SLC27A6: variants seen among roughly 807,000 people sequenced by gnomAD.
SLC27A6 encodes the protein solute carrier family 27 member 6.
A neutral mutation model predicts 63.9 loss-of-function variants in SLC27A6; 74 were observed. That is an observed-to-expected ratio of 1.16 (90% CI 0.96 to 1.40). The LOEUF (loss-of-function observed/expected upper bound fraction) is 1.40. Among genes scored for constraint, SLC27A6 ranks in the 40% most tolerant of loss-of-function variants. The probability of loss-of-function intolerance (pLI) is 0.00; values close to 1 mark genes in which losing one functional copy is unlikely to be tolerated. For synonymous variants in SLC27A6, 287 were observed against 260.8 expected (o/e 1.10, Z -0.97); for missense variants, 794 against 732.9 (o/e 1.08, Z -0.96).
rs1749870600 is a variant in SLC27A6 at position 128,965,985 on chromosome 5, C to T, written c.-153C>T. The T allele has an allele frequency of 1.2e-6, 1 of 817,684 alleles. No individual in the cohort carries two copies. The highest frequency in any genetic ancestry group is 3.4e-5 in the South Asian group (1 of 29,310). 50.7% of individuals were successfully genotyped at this position (817,684 alleles called of 1,614,324 possible). On this transcript the variant is annotated 5_prime_UTR_variant, in exon 1 of 10. Transcript: ENST00000262462. ...TACGATTCTGTTTCTCAGGATTCCT[C>T]CCCATCCCGCTTCGCCCCGGAAAAG...
chr5:128,987,909 A>G (rs1009698439), intron 2 of SLC27A6, among the ~76,000 whole-genome samples: 2 of 152,200 alleles, frequency 1.3e-5, no homozygotes, highest in Non-Finnish European at 2.9e-5. Context: ...TAGAACTATA[A>G]GACCTGAGTT....
At chr5:129,033,082 C>T in intron 9 of SLC27A6, 24 bp from the exon 10 acceptor site, 1 of 1,552,188 alleles carries the variant, frequency 6.4e-7, no homozygotes, top group Non-Finnish European at 8.8e-7. Context: ...AATGATTCTA[C>T]TCATCCTGGT....
At chr5:128,973,791 A>T (rs990092367) in intron 1 of SLC27A6, among the ~76,000 whole-genome samples, 1 of 152,178 alleles carries the variant, frequency 6.6e-6, no homozygotes, top group African/African-American at 2.4e-5. Flanking sequence ...CTGTCCAGCA[A>T]GTCCAAATGA....
chr5:128,994,090 C>A (rs1021742782), intron 4 of SLC27A6, among the ~76,000 whole-genome samples: 1 of 152,060 alleles, frequency 6.6e-6, no homozygotes. Context: ...ATTGCTTAAC[C>A]CCGTGAGGTG....
chr5:128,996,295 A>G (rs1358103400), intron 4 of SLC27A6, among the ~76,000 whole-genome samples: 1 of 150,888 alleles, frequency 6.6e-6, no homozygotes, highest in Non-Finnish European at 1.5e-5. Flanking sequence ...CTTATTAGGA[A>G]TGCATTTTCT....
chr5:128,988,691 T>C lies in SLC27A6; in HGVS notation c.777T>C (p.Val259=), dbSNP rs1196801395. 6.2e-7 allele frequency: 1 copy of C among 1,613,976 alleles called. No homozygotes were observed. The highest frequency in any genetic ancestry group is 1.7e-5 in the Admixed American group (1 of 60,026). The change falls in exon 3 of 10, where the codon GTT becomes GTC. Residue 259 remains valine, a synonymous_variant. Coordinates refer to ENST00000262462, the MANE Select transcript of SLC27A6 (RefSeq NM_001017372.3). The stretch of plus-strand genomic sequence containing the variant: ...TTGGTTGTACTGCTCATGACATTGT[T>C]TATATAACCCTTCCTCTGTATCATA... The part of the protein sequence containing the change: ...WAFGCTAHDI[V]YITLPLYHSS...
chr5:129,021,044 G>A (rs560254448), intron 5 of SLC27A6, among the ~76,000 whole-genome samples: 7 of 151,684 alleles, frequency 4.6e-5, no homozygotes, highest in South Asian at 2.1e-4. Context: ...TGTGTAATTC[G>A]GGTTGACTGC....
intron 5 of SLC27A6, 37 bp downstream of exon 5, chr5:129,016,116 G>T (rs781202532): frequency 6.9e-7 from 1 of 1,457,750 alleles, no homozygotes; most frequent in Non-Finnish European, 9.3e-7. Context: ...GAAATACATC[G>T]GTGCGGTGGC....
chr5:128,992,797 T>G (rs1191672660), intron 4 of SLC27A6, among the ~76,000 whole-genome samples: 7 of 152,176 alleles, frequency 4.6e-5, no homozygotes, highest in Admixed American at 4.6e-4. Context: ...AAGGTCACCT[T>G]CAGTTGAGAT....
intron 4 of SLC27A6, among the ~76,000 whole-genome samples, chr5:129,010,041 G>T (rs1751678066): frequency 6.6e-6 from 1 of 152,106 alleles, no homozygotes; most frequent in South Asian, 2.1e-4. Context: ...TTTTTTAAAG[G>T]CGTCCCTGCT....
At chr5:128,976,219 C>T (rs1750372833) in intron 1 of SLC27A6, among the ~76,000 whole-genome samples, 1 of 152,092 alleles carries the variant, frequency 6.6e-6, no homozygotes, top group Admixed American at 6.6e-5. Flanking sequence ...TTCTATAAAA[C>T]TTAAAGGGGG....
intron 4 of SLC27A6, among the ~76,000 whole-genome samples, chr5:129,009,676 TG>T: frequency 6.7e-6 from 1 of 148,254 alleles, no homozygotes; most frequent in African/African-American, 2.4e-5. Flanking sequence ...TTTCTTTGTG[TG>T]TGTGTGTGTG....
chr5:128,990,456 C>T lies in SLC27A6; in HGVS notation c.961C>T (p.Gln321Ter), dbSNP rs1427524819. The change falls in exon 4 of 10, where the codon CAA becomes TAA. Residue 321 changes from glutamine to a stop codon, truncating the protein, a stop_gained. Transcript: ENST00000262462. LOFTEE classifies it high-confidence loss of function. ...AGAACTTTGTCGCTACCTTTGCAAA[C>T]AATCTAAGGTAGGCGTAATCATTAT... is the stretch of plus-strand genomic sequence containing the variant. Reference protein sequence around the residue: ...IGELCRYLCKQSKREGEKDHK... With the variant: ...IGELCRYLCK 1.2e-6 allele frequency: 2 copies of T among 1,611,578 alleles called. No individual in the cohort carries two copies. Among genetic ancestry groups the T allele is most frequent in the Admixed American group, 3.4e-5 (2 of 59,570 alleles).
chr5:129,024,829 A>G (rs1167079048), intron 6 of SLC27A6, among the ~76,000 whole-genome samples: 3 of 152,170 alleles, frequency 2.0e-5, no homozygotes, highest in African/African-American at 7.2e-5. Flanking sequence ...AAATGTGAAG[A>G]TAAGGTGACA....
At chr5:128,995,947 AG>A (rs61112405) in intron 4 of SLC27A6, among the ~76,000 whole-genome samples, 1,696 of 152,324 alleles carry the variant, frequency 0.011, 21 homozygotes, top group Admixed American at 0.021. Flanking sequence ...GATAAGTCCC[AG>A]GTTTTTGGTT....
intron 4 of SLC27A6, among the ~76,000 whole-genome samples, chr5:129,005,914 G>T (rs1751507870): frequency 6.6e-6 from 1 of 151,078 alleles, no homozygotes; most frequent in African/African-American, 2.4e-5. Context: ...GGCCGGCCTA[G>T]GTCTGGTTTT....
At chr5:128,985,766 G>A (rs1750766552) in intron 2 of SLC27A6, among the ~76,000 whole-genome samples, 1 of 152,148 alleles carries the variant, frequency 6.6e-6, no homozygotes, top group East Asian at 1.9e-4. Flanking sequence ...TTTAAAAAGT[G>A]TTTTAATGTA....
chr5:129,003,577 C>T (rs758425771), intron 4 of SLC27A6, among the ~76,000 whole-genome samples: 7 of 152,098 alleles, frequency 4.6e-5, no homozygotes, highest in South Asian at 2.1e-4. Context: ...TAGCTCATGC[C>T]GATAATCCCA....
intron 1 of SLC27A6, among the ~76,000 whole-genome samples, chr5:128,977,879 C>T (rs1750442228): frequency 6.6e-6 from 1 of 152,068 alleles, no homozygotes; most frequent in Non-Finnish European, 1.5e-5. Flanking sequence ...GATATAAAAG[C>T]ACCCCAACAT....
Sources: allele counts gnomAD v4.1 joint callset (sites outside exome capture counted in the v4.1 genomes callset), GRCh38; gene constraint gnomAD v4.1.1; transcripts MANE v1.5; gene names NCBI Gene and HGNC (gene_info 2026-07-23, HGNC 2026-07-21).